The following TLN2 variants were observed in gnomAD, a reference collection of about 807,000 sequenced individuals.
The protein encoded by TLN2 is talin 2, also known as talin-2.
A neutral mutation model predicts 294.7 loss-of-function variants in TLN2; 118 were observed. That is an observed-to-expected ratio of 0.40 (90% CI 0.34 to 0.47). The LOEUF (loss-of-function observed/expected upper bound fraction) is 0.47, where lower values mean the gene tolerates loss of function less well. Ranked by LOEUF, TLN2 falls within the 20% of genes least tolerant of loss-of-function variation. The pLI, the probability that TLN2 is intolerant of heterozygous loss-of-function variation, is 0.84. For missense variants in TLN2, 3,083 were observed against 3,282.2 expected (o/e 0.94, Z 1.48); for synonymous variants, 1,431 against 1,304.5 (o/e 1.10, Z -2.09).
At chr15:62,524,543 T>C (rs1027313563) in intron 1 of TLN2, among the ~76,000 whole-genome samples, 9 of 152,106 alleles carry the variant, frequency 5.9e-5, no homozygotes, top group Non-Finnish European at 8.8e-5. Flanking sequence ...TGGATAGGAC[T>C]TCAGATCCCT....
At chr15:62,573,598 C>G (rs974747056) in intron 1 of TLN2, among the ~76,000 whole-genome samples, 4 of 152,144 alleles carry the variant, frequency 2.6e-5, no homozygotes, top group African/African-American at 9.7e-5. Flanking sequence ...TCCCTCCTCT[C>G]TCCCTGGCCA....
chr15:62,560,738 C>T (rs1347610979), intron 1 of TLN2, among the ~76,000 whole-genome samples: 1 of 152,246 alleles, frequency 6.6e-6, no homozygotes, highest in Non-Finnish European at 1.5e-5. Flanking sequence ...TGCCCTGCTC[C>T]TCAGCCCTTC....
At chr15:62,755,193 G>T in intron 36 of TLN2, 1 of 190,558 alleles carries the variant, frequency 5.2e-6, no homozygotes, top group Non-Finnish European at 1.1e-5. Flanking sequence ...ACTTAAAATT[G>T]GGTATGTGTA....
At position 62,725,025 on chromosome 15, in the gene TLN2, T is replaced by C. The variant is rs757564453; in HGVS notation, c.3176T>C (p.Val1059Ala). ...PMEIDSALNT[V>A]QTLKNELQDA... ...GAAATCGATTCAGCTCTGAATACGG[T>C]GCAGACGCTTAAGAATGAACTGCAG... The change falls in exon 27 of 59, where the codon GTG becomes GCG. Residue 1059 changes from valine to alanine, a missense_variant. Val to Ala is a moderately conservative substitution (Grantham distance 64). Coordinates refer to ENST00000636159, the MANE Select transcript of TLN2 (RefSeq NM_015059.3). 1 of 1,613,658 alleles carries C rather than the reference T, an allele frequency of 6.2e-7. No individual in the cohort carries two copies. The highest frequency in any genetic ancestry group is 2.2e-5 in the East Asian group (1 of 44,876).
chr15:62,717,423 A>C (rs909578164), intron 23 of TLN2, among the ~76,000 whole-genome samples, 153 bp from the exon 24 acceptor site: 16 of 152,210 alleles, frequency 1.1e-4, no homozygotes, highest in Admixed American at 9.8e-4. Flanking sequence ...GTGTTGTAAG[A>C]TTAGGGTCAT....
At chr15:62,741,748 C>CGCGCGCGCGCGTGTGT in intron 32 of TLN2, among the ~76,000 whole-genome samples, 2 of 131,072 alleles carry the variant, frequency 1.5e-5, no homozygotes, top group Admixed American at 1.6e-4. Context: ...AAAATTTGCG[C>CGCGCGCGCGCGTGTGT]GTGTGTGTGT....
intron 1 of TLN2, among the ~76,000 whole-genome samples, chr15:62,542,216 G>T (rs1046512719): frequency 3.3e-5 from 5 of 152,086 alleles, no homozygotes; most frequent in Middle Eastern, 3.4e-3. Context: ...TTTTGAGAGA[G>T]AGTCTCGCTC....
intron 43 of TLN2, among the ~76,000 whole-genome samples, chr15:62,780,350 A>G (rs139031111): frequency 2.0e-5 from 3 of 152,280 alleles, no homozygotes; most frequent in Non-Finnish European, 2.9e-5. Flanking sequence ...CTCTTCCTGT[A>G]TATAGTTCTT....
chr15:62,498,174 A>AG (rs2039116305), intron 1 of TLN2, among the ~76,000 whole-genome samples: 1 of 147,918 alleles, frequency 6.8e-6, no homozygotes, highest in Non-Finnish European at 1.5e-5. Context: ...AAAAAAAAAA[A>AG]GAAAAAAAAG....
intron 3 of TLN2, among the ~76,000 whole-genome samples, chr15:62,642,678 T>TTTTG (rs372165064): frequency 2.0e-5 from 3 of 151,480 alleles, no homozygotes; most frequent in Non-Finnish European, 4.4e-5. Flanking sequence ...TTGTTGTTGT[T>TTTTG]TTTGTTTGTT....
intron 1 of TLN2, among the ~76,000 whole-genome samples, chr15:62,538,500 T>C (rs553338099): frequency 6.6e-6 from 1 of 152,296 alleles, no homozygotes; most frequent in Non-Finnish European, 1.5e-5. Context: ...TATTTTCAGG[T>C]TGTATAGCAG....
At chr15:62,417,971 G>A (rs1294100761) in intron 1 of TLN2, among the ~76,000 whole-genome samples, 1 of 152,196 alleles carries the variant, frequency 6.6e-6, no homozygotes, top group African/African-American at 2.4e-5. Flanking sequence ...GTTCTACCTG[G>A]TATTTAATGT....
intron 9 of TLN2, among the ~76,000 whole-genome samples, chr15:62,662,716 T>C (rs1488777592): frequency 6.6e-6 from 1 of 151,698 alleles, no homozygotes; most frequent in Non-Finnish European, 1.5e-5. Flanking sequence ...AGAAAGATGA[T>C]AACTATTAAG....
intron 1 of TLN2, among the ~76,000 whole-genome samples, chr15:62,574,917 C>T (rs1408789411): frequency 1.3e-5 from 2 of 152,112 alleles, no homozygotes; most frequent in African/African-American, 4.8e-5. Context: ...TTTATCTTGC[C>T]ACTCCCTACC....
At position 62,421,908 on chromosome 15, in the gene TLN2, C is replaced by T. The variant is rs141604465; in HGVS notation, c.-238+31223C>T. Reference sequence around the variant, plus strand: ...AAAAAGTGAGTGTTGCTGAGGGTAGCGTTAGGAGGAATTATTACTGCATTG... The same window carrying T: ...AAAAAGTGAGTGTTGCTGAGGGTAGTGTTAGGAGGAATTATTACTGCATTG... On this transcript the variant is annotated intron_variant, in intron 1 of 58. Transcript: ENST00000636159. 1.7e-3 allele frequency among the ~76,000 whole-genome samples: 262 copies of T among 152,008 alleles called. 3 individuals carry two copies. The highest frequency in any genetic ancestry group is 6.1e-3 in the African/African-American group (253 of 41,454).
chr15:62,642,264 T>A (rs1014453102), intron 3 of TLN2, among the ~76,000 whole-genome samples: 1 of 152,194 alleles, frequency 6.6e-6, no homozygotes, highest in Non-Finnish European at 1.5e-5. Flanking sequence ...TAGTAGTCAT[T>A]CAAATTCGGG....
At position 62,745,396 on chromosome 15, in the gene TLN2, T is replaced by C. The variant is rs1182267353; in HGVS notation, c.4026-2955T>C. ...GATTTACAAAGAACAGAGACCCTTCTAATTTTGGCCAGATTTTTTGTGATA... is the reference window on the plus strand; with the variant it reads ...GATTTACAAAGAACAGAGACCCTTCCAATTTTGGCCAGATTTTTTGTGATA... On this transcript the variant is annotated intron_variant, in intron 32 of 58. Coordinates refer to ENST00000636159, the MANE Select transcript of TLN2 (RefSeq NM_015059.3). Among the ~76,000 whole-genome samples the C allele has an allele frequency of 2.6e-5, 4 of 152,218 alleles. No homozygotes were observed. The East Asian group carries it at 5.8e-4, about 22-fold the overall frequency.
intron 54 of TLN2, among the ~76,000 whole-genome samples, chr15:62,825,812 AT>A (rs372771681): frequency 0.86 from 64,876 of 75,664 alleles, 27,746 homozygotes; most frequent in Middle Eastern, 0.92. Flanking sequence ...TATATATTAT[AT>A]TATAATATAT....
intron 58 of TLN2, 45 bp downstream of exon 58, chr15:62,839,026 G>A (rs771490173): frequency 5.7e-6 from 9 of 1,590,022 alleles, no homozygotes; most frequent in Non-Finnish European, 7.7e-6. Context: ...CGAGAGAGGT[G>A]TTGGGTTATA....
Sources: allele counts gnomAD v4.1 joint callset (sites outside exome capture counted in the v4.1 genomes callset), GRCh38; gene constraint gnomAD v4.1.1; transcripts MANE v1.5; gene names NCBI Gene and HGNC (gene_info 2026-07-23, HGNC 2026-07-21).